WBP2NL: variants seen among roughly 807,000 people sequenced by gnomAD.
WBP2NL encodes the protein WBP2 N-terminal like, also known as postacrosomal sheath WW domain-binding protein.
Under a neutral mutation model 23.3 loss-of-function variants are expected in WBP2NL, and 27 were observed. The ratio of observed to expected loss-of-function variants is 1.16; its 90% CI spans 0.85 to 1.60. The LOEUF (loss-of-function observed/expected upper bound fraction) is 1.60. Among genes scored for constraint, WBP2NL ranks in the 40% most tolerant of loss-of-function variants. The pLI is 0.00. For synonymous variants in WBP2NL, 151 were observed against 145.9 expected, an observed-to-expected ratio of 1.03 and a Z score of -0.25; for missense variants, 370 against 389.5, an observed-to-expected ratio of 0.95 and a Z score of 0.42.
rs537332595 is a variant in WBP2NL at position 42,007,612 on chromosome 22, A to G, written c.62+8732A>G. On this transcript the variant is annotated intron_variant, in intron 1 of 5. Transcript: ENST00000328823. ...ACCATTCTACTTTCTGTTTCTATGA[A>G]TTTGACTACTTCAGATACCTCATGT... Among the ~76,000 whole-genome samples, 203 of 152,238 alleles carry G rather than the reference A, an allele frequency of 1.3e-3. 2 individuals carry two copies. The highest frequency in any genetic ancestry group is 2.3e-3 in the Non-Finnish European group (158 of 68,026).
At chr22:42,024,232 T>G (rs980287476) in intron 5 of WBP2NL, among the ~76,000 whole-genome samples, 1 of 152,244 alleles carries the variant, frequency 6.6e-6, no homozygotes, top group East Asian at 1.9e-4. Context: ...TGTGTATTCA[T>G]TCCTCCATTG....
intron 8 of WBP2NL, among the ~76,000 whole-genome samples, chr22:42,043,556 T>C (rs1366831364): frequency 6.6e-6 from 1 of 152,132 alleles, no homozygotes. Flanking sequence ...GTGTTGGTAG[T>C]GTGCATCCTT....
chr22:42,003,485 G>A (rs1250941128), intron 1 of WBP2NL: 1 of 152,084 alleles, frequency 6.6e-6, no homozygotes, highest in Non-Finnish European at 1.5e-5. Context: ...AATTTATTCT[G>A]TCAGAGCAAA....
At position 41,999,032 on chromosome 22, in the gene WBP2NL, C is replaced by T. The variant is rs1016698071; in HGVS notation, c.62+152C>T. 64 of 941,036 alleles carry T rather than the reference C, an allele frequency of 6.8e-5. No homozygotes were observed. In the African/African-American group the frequency reaches 9.9e-4, roughly 15 times the overall value. The allele number at this position is 941,036 out of a possible 1,614,324, so 58.3% of individuals were successfully genotyped here. ...GCCCCCGACCTTTGGGAGCGCGCGC[C>T]CCTCACTGGTGTTCCGGCATGTGGA... is the stretch of plus-strand genomic sequence containing the variant. On this transcript the variant is annotated intron_variant, in intron 1 of 5. Transcript: ENST00000328823.
intron 1 of WBP2NL, among the ~76,000 whole-genome samples, chr22:42,011,436 G>T (rs974117349): frequency 5.3e-5 from 8 of 151,772 alleles, no homozygotes; most frequent in Non-Finnish European, 8.8e-5. Flanking sequence ...TATATATTTT[G>T]TAGAGATGAG....
intron 8 of WBP2NL, among the ~76,000 whole-genome samples, chr22:42,044,071 C>G (rs1417466216): frequency 2.6e-5 from 4 of 152,130 alleles, no homozygotes; most frequent in African/African-American, 9.7e-5. Flanking sequence ...AGATTTCCTT[C>G]TCTGTTGCCT....
intron 4 of WBP2NL, among the ~76,000 whole-genome samples, chr22:42,021,319 CT>C (rs1205151797): frequency 6.6e-6 from 1 of 151,986 alleles, no homozygotes; most frequent in Non-Finnish European, 1.5e-5. Context: ...TGGGCCAGGC[CT>C]GGAAACTGTC....
At chr22:42,053,157 ATG>A (rs1476749811) in intron 8 of WBP2NL, among the ~76,000 whole-genome samples, 1 of 152,196 alleles carries the variant, frequency 6.6e-6, no homozygotes, top group East Asian at 1.9e-4. Context: ...GTGTTGTGGC[ATG>A]TGTCACTATG....
intron 8 of WBP2NL, among the ~76,000 whole-genome samples, chr22:42,048,836 A>T (rs998917489): frequency 6.6e-6 from 1 of 152,166 alleles, no homozygotes; most frequent in Non-Finnish European, 1.5e-5. Context: ...TTGATAAAAA[A>T]CATTGTCCAA....
chr22:42,019,758 T>G lies in WBP2NL; in HGVS notation c.268T>G (p.Phe90Val). The change falls in exon 3 of 6, where the codon TTT becomes GTT. Residue 90 changes from phenylalanine to valine, a missense_variant. Coordinates refer to ENST00000328823, the MANE Select transcript of WBP2NL (RefSeq NM_152613.3). ...MTNLTVEQPV[F>V]AANFIKGTIQ... ...GAACCTCACTGTTGAACAACCAGTATTTGCTGCAAACTTCATTAAGGGAAC... is the reference window on the plus strand; with the variant it reads ...GAACCTCACTGTTGAACAACCAGTAGTTGCTGCAAACTTCATTAAGGGAAC... 2 of 1,614,216 alleles carry G rather than the reference T, an allele frequency of 1.2e-6. No individual in the cohort carries two copies. The highest frequency in any genetic ancestry group is 1.7e-6 in the Non-Finnish European group (2 of 1,180,044).
At chr22:42,000,279 T>A (rs1921498063) in intron 1 of WBP2NL, among the ~76,000 whole-genome samples, 1 of 152,330 alleles carries the variant, frequency 6.6e-6, no homozygotes, top group Middle Eastern at 3.4e-3. Context: ...AGGTTGTATG[T>A]TCTCACCTGC....
chr22:42,048,398 AG>A (rs1925682457), intron 8 of WBP2NL, among the ~76,000 whole-genome samples: 1 of 150,336 alleles, frequency 6.7e-6, no homozygotes, highest in African/African-American at 2.5e-5. Context: ...AAAAAAAAAA[AG>A]AAGAAAAATA....
intron 1 of WBP2NL, among the ~76,000 whole-genome samples, chr22:42,008,101 C>CCTTTCCTTTG (rs1922431688): frequency 3.4e-5 from 4 of 119,276 alleles, no homozygotes; most frequent in Admixed American, 8.3e-5. Context: ...CCTTTCCTTT[C>CCTTTCCTTTG]CTTTCCTTTC....
At chr22:42,016,179 C>G (rs1923295291) in intron 1 of WBP2NL, among the ~76,000 whole-genome samples, 1 of 152,006 alleles carries the variant, frequency 6.6e-6, no homozygotes, top group Non-Finnish European at 1.5e-5. Context: ...CGGGGTTTCT[C>G]CATGTTGGTC....
rs1161784270 is a variant in WBP2NL, at chr22:42,020,908, A to ATTTTT, written c.406+837_406+841dup. 3.6e-4 allele frequency among the ~76,000 whole-genome samples: 4 copies of ATTTTT among 11,230 alleles called. 1 individual carries two copies. Among genetic ancestry groups the ATTTTT allele is most frequent in the African/African-American group, 1.0e-3 (2 of 2,002 alleles). The allele number at this position is 11,230 out of a possible 152,430, so 7.4% of individuals were successfully genotyped here. On this transcript the variant is annotated intron_variant, in intron 4 of 5. Transcript: ENST00000328823. ...TATATATATATATATATATATATAT[A>ATTTTT]TTTTTTTTTTTTTTTTTTTTTTTTT...
At position 42,019,403 on chromosome 22, in the gene WBP2NL, T is replaced by A; in HGVS notation, c.155T>A (p.Phe52Tyr). 1 of 1,613,976 alleles carries A rather than the reference T, an allele frequency of 6.2e-7. No homozygotes were observed. The highest frequency in any genetic ancestry group is 8.5e-7 in the Non-Finnish European group (1 of 1,179,872). The change falls in exon 2 of 6, where the codon TTT (phenylalanine) becomes TAT (tyrosine). Residue 52 changes from phenylalanine to tyrosine, a missense_variant. Transcript: ENST00000328823. ...VFSGRKTGTLFLTSYRVIFIT... is the reference protein window; with the variant it reads ...VFSGRKTGTLYLTSYRVIFIT... Reference sequence around the variant, plus strand: ...AGTGGTAGAAAGACAGGAACATTGTTTCTCACTTCATACCGGGTAATTTCT... The same window carrying A: ...AGTGGTAGAAAGACAGGAACATTGTATCTCACTTCATACCGGGTAATTTCT...
At chr22:42,037,735 T>C (rs553641937), downstream of WBP2NL, among the ~76,000 whole-genome samples, 109 of 152,070 alleles carry the variant, frequency 7.2e-4, no homozygotes, top group Non-Finnish European at 1.4e-3. Flanking sequence ...TCATCTTTGG[T>C]ATATAGAGAT....
At chr22:42,032,823 C>A, downstream of WBP2NL, 1 of 394,496 alleles carries the variant, frequency 2.5e-6, no homozygotes, top group Admixed American at 3.4e-5. Flanking sequence ...CAGATGTGAC[C>A]AGCAGTTTGA....
rs918146301 is a variant in WBP2NL at position 42,047,261 on chromosome 22, T to A, written c.*274-11029T>A. ...TAATAACTGAAAATAAAGATTTATT[T>A]TCAAGCTCAAAAAAAAAAAAAAAAA... On this transcript the variant is annotated intron_variant and NMD_transcript_variant, in intron 8 of 8. Transcript: ENST00000436265. Among the ~76,000 whole-genome samples, 3 of 134,914 alleles carry A rather than the reference T, an allele frequency of 2.2e-5. No homozygotes were observed. The Admixed American group carries it at 2.4e-4, about 11-fold the overall frequency. The allele number at this position is 134,914 out of a possible 152,430, so 88.5% of individuals were successfully genotyped here.
Sources: allele counts gnomAD v4.1 joint callset (sites outside exome capture counted in the v4.1 genomes callset), GRCh38; gene constraint gnomAD v4.1.1; transcripts MANE v1.5; gene names NCBI Gene and HGNC (gene_info 2026-07-23, HGNC 2026-07-21).